Variants in ARFGEF3 observed in about 807,000 individuals in gnomAD.
ARFGEF3 encodes ARFGEF family member 3, also known as brefeldin A-inhibited guanine nucleotide-exchange protein 3.
ARFGEF3 carries 96 observed loss-of-function variants against 221.7 expected under a neutral mutation model. The ratio of observed to expected loss-of-function variants is 0.43; its 90% CI spans 0.37 to 0.51. The LOEUF (loss-of-function observed/expected upper bound fraction) is 0.51, where lower values mean the gene tolerates loss of function less well. Ranked by LOEUF, ARFGEF3 falls within the 20% of genes least tolerant of loss-of-function variation. ARFGEF3 has a pLI of 0.00. For missense variants in ARFGEF3, 2,410 were observed against 2,789.9 expected (o/e 0.86, Z 3.07); for synonymous variants, 1,145 against 1,126.8 (o/e 1.02, Z -0.32).
chr6:138,164,823 A>G lies in ARFGEF3; in HGVS notation c.85+2652A>G, dbSNP rs1776689411. Among the ~76,000 whole-genome samples, 3 of 152,306 alleles carry G rather than the reference A, an allele frequency of 2.0e-5. 1 individual carries two copies. In the South Asian group the frequency reaches 6.2e-4, roughly 32 times the overall value. ...TCAACACATTTAGACCATCTCATGA[A>G]AAGAGGCAACAATAAACTTAGACCA... On this transcript the variant is annotated intron_variant, in intron 1 of 33. Coordinates refer to ENST00000251691, the MANE Select transcript of ARFGEF3 (RefSeq NM_020340.5).
At chr6:138,283,806 C>T (rs550696838) in intron 14 of ARFGEF3, among the ~76,000 whole-genome samples, 2 of 152,290 alleles carry the variant, frequency 1.3e-5, no homozygotes, top group South Asian at 4.1e-4. Flanking sequence ...ATCATTAGGC[C>T]ATTTGACCAG....
chr6:138,263,600 C>T lies in ARFGEF3; in HGVS notation c.2117C>T (p.Thr706Ile). 1 of 1,598,872 alleles carries T rather than the reference C, an allele frequency of 6.3e-7. No individual in the cohort carries two copies. Among genetic ancestry groups the T allele is most frequent in the South Asian group, 1.1e-5 (1 of 90,414 alleles). ...VDTALQNFAS[T>I]FCSGMMHSPG... is the part of the protein sequence containing the mutation. ...ACCGCTCTGCAGAACTTTGCCTCTA[C>T]TTTCTGCTCAGGTTTGTAAACAATT... The change falls in exon 12 of 34, where the codon ACT becomes ATT. Residue 706 changes from threonine to isoleucine, a missense_variant. Transcript: ENST00000251691.
At chr6:138,223,904 C>T (rs529179892) in intron 4 of ARFGEF3, among the ~76,000 whole-genome samples, 98 of 152,270 alleles carry the variant, frequency 6.4e-4, no homozygotes, top group African/African-American at 2.3e-3. Context: ...CATCTTCATA[C>T]CAGATGTTAG....
chr6:138,282,058 G>A (rs534770311), intron 14 of ARFGEF3, among the ~76,000 whole-genome samples: 5 of 152,246 alleles, frequency 3.3e-5, no homozygotes, highest in Admixed American at 1.3e-4. Context: ...AGGTTCGAGC[G>A]ATTCTTCTGC....
chr6:138,162,301 C>G lies in ARFGEF3; in HGVS notation c.85+130C>G. ...GTTCTGGCGATTGCGAGAGTCGCCT[C>G]GGGAAATTGATGTGGGATTTGAGAG... On this transcript the variant is annotated intron_variant, in intron 1 of 33. Coordinates refer to ENST00000251691, the MANE Select transcript of ARFGEF3 (RefSeq NM_020340.5). The surrounding 1 kb of genome is among the most constrained non-coding windows in gnomAD (Gnocchi z 4.7). 1.7e-6 allele frequency: 1 copy of G among 575,118 alleles called. No individual in the cohort carries two copies. Among genetic ancestry groups the G allele is most frequent in the Non-Finnish European group, 3.0e-6 (1 of 338,424 alleles). 35.6% of individuals were successfully genotyped at this position (575,118 alleles called of 1,614,324 possible). A position where few individuals can be genotyped will look rare whatever the true frequency, so the allele number is the denominator to read the frequency against.
intron 2 of ARFGEF3, among the ~76,000 whole-genome samples, chr6:138,193,528 A>T (rs1777351562): frequency 6.6e-6 from 1 of 152,220 alleles, no homozygotes; most frequent in Non-Finnish European, 1.5e-5. Context: ...TAGTAGGCTA[A>T]ATAAATATTT....
In ARFGEF3 at chr6:138,292,021, G is replaced by A. The variant is rs1260365438; in HGVS notation, c.3336G>A (p.Lys1112=). ...TCATGAGCGGGAGCAGCGCGGCCAA[G>A]GTGGTGCTCACCCTCTCCACGCAAG... ...GSLMSGSSAA[K]VVLTLSTQAD... The change falls in exon 19 of 34, where the codon AAG becomes AAA. Residue 1112 remains lysine, a synonymous_variant. Transcript: ENST00000251691. 1.3e-6 allele frequency: 2 copies of A among 1,511,442 alleles called. No homozygotes were observed. The highest frequency in any genetic ancestry group is 1.4e-5 in the African/African-American group (1 of 70,730). 93.6% of individuals were successfully genotyped at this position (1,511,442 alleles called of 1,614,324 possible).
chr6:138,164,394 C>G (rs1776680226), intron 1 of ARFGEF3, among the ~76,000 whole-genome samples: 1 of 152,202 alleles, frequency 6.6e-6, no homozygotes, highest in Non-Finnish European at 1.5e-5. Flanking sequence ...TGCCTTTGCT[C>G]TTGCTAGTCC....
intron 23 of ARFGEF3, among the ~76,000 whole-genome samples, chr6:138,308,253 G>A (rs1779762558): frequency 6.6e-6 from 1 of 152,094 alleles, no homozygotes; most frequent in Non-Finnish European, 1.5e-5. Context: ...GTTAACTGTG[G>A]CCTGGGAGTA....
Position 138,334,337 on chromosome 6 carries a change from A to C in ARFGEF3, c.5491A>C (p.Thr1831Pro), listed in dbSNP as rs761457750. 3 of 1,613,698 alleles carry C rather than the reference A, an allele frequency of 1.9e-6. No homozygotes were observed. In the African/African-American group the frequency reaches 4.0e-5, roughly 22 times the overall value. Residue 1831 changes from threonine to proline, a missense_variant, in exon 33 of 34, where the codon ACC becomes CCC. Transcript: ENST00000251691. The surrounding 1 kb of genome is among the most constrained non-coding windows in gnomAD (Gnocchi z 5.1). ...LVCAVLTNQETITAEQVKKVL... is the reference protein window; with the variant it reads ...LVCAVLTNQEPITAEQVKKVL... Reference sequence around the variant, plus strand: ...GTGTGCTGTTCTCACCAATCAAGAAACCATCACGGCCGAGCAAGTGAAGAA... The same window carrying C: ...GTGTGCTGTTCTCACCAATCAAGAACCCATCACGGCCGAGCAAGTGAAGAA...
intron 23 of ARFGEF3, among the ~76,000 whole-genome samples, chr6:138,308,033 C>G (rs1779758322): frequency 6.6e-6 from 1 of 152,206 alleles, no homozygotes; most frequent in African/African-American, 2.4e-5. Context: ...ACACAGAAGA[C>G]ATTCTTCCCC....
At chr6:138,219,874 A>C (rs1224973929) in intron 4 of ARFGEF3, among the ~76,000 whole-genome samples, 1 of 152,218 alleles carries the variant, frequency 6.6e-6, no homozygotes, top group Non-Finnish European at 1.5e-5. Flanking sequence ...GGGCATTCCA[A>C]AAGAGAAAAA....
intron 2 of ARFGEF3, among the ~76,000 whole-genome samples, chr6:138,178,717 C>G (rs1777004527): frequency 6.6e-6 from 1 of 152,064 alleles, no homozygotes; most frequent in Non-Finnish European, 1.5e-5. Flanking sequence ...ATCACATGTC[C>G]CAGAAAGCCA....
chr6:138,279,490 G>A (rs1013558226), intron 13 of ARFGEF3, among the ~76,000 whole-genome samples: 2 of 152,204 alleles, frequency 1.3e-5, no homozygotes, highest in Non-Finnish European at 2.9e-5. Flanking sequence ...CCACTCCATG[G>A]TGTGCCCTAT....
intron 24 of ARFGEF3, among the ~76,000 whole-genome samples, chr6:138,311,178 T>C (rs1779820373): frequency 6.6e-6 from 1 of 152,196 alleles, no homozygotes; most frequent in Non-Finnish European, 1.5e-5. Context: ...AACAAAATGA[T>C]AGGAAAGGTA....
At chr6:138,286,940 T>G in intron 16 of ARFGEF3, 24 bp downstream of exon 16, 1 of 1,610,144 alleles carries the variant, frequency 6.2e-7, no homozygotes, top group East Asian at 2.2e-5. Flanking sequence ...TAGTGTTCCC[T>G]GGCCGTGGTC....
chr6:138,213,070 C>T (rs565694714), intron 4 of ARFGEF3, among the ~76,000 whole-genome samples: 114 of 152,004 alleles, frequency 7.5e-4, no homozygotes, highest in Middle Eastern at 3.4e-3. Context: ...GGGGGGCTCA[C>T]GAGGTCAGGA....
intron 6 of ARFGEF3, among the ~76,000 whole-genome samples, chr6:138,241,442 C>T (rs1167533747): frequency 1.3e-5 from 2 of 152,200 alleles, no homozygotes; most frequent in East Asian, 3.8e-4. Context: ...TTACTGCCTA[C>T]CTGCCCTTCT....
intron 4 of ARFGEF3, among the ~76,000 whole-genome samples, chr6:138,229,089 T>C (rs191638728): frequency 6.6e-6 from 1 of 152,362 alleles, no homozygotes; most frequent in East Asian, 1.9e-4. Context: ...TCTATGTATC[T>C]TGGAAAATAA....
Sources: gnomAD v4.1 joint callset for allele counts (sites outside exome capture counted in the v4.1 genomes callset) on GRCh38, gnomAD v4.1.1 for gene constraint, Gnocchi (gnomAD v3.1) non-coding constraint, MANE v1.5 for transcripts, NCBI Gene and HGNC (gene_info 2026-07-23, HGNC 2026-07-21) for gene names.